Variants in SEMA5A observed in about 807,000 individuals in gnomAD.
SEMA5A encodes semaphorin-5A.
SEMA5A carries 55 observed loss-of-function variants against 135.5 expected under a neutral mutation model. That is an observed-to-expected ratio of 0.41 (90% CI 0.33 to 0.51). The LOEUF (loss-of-function observed/expected upper bound fraction) is 0.51, where lower values mean the gene tolerates loss of function less well. Among genes scored for constraint, SEMA5A ranks in the 20% least tolerant of loss-of-function variants. SEMA5A has a pLI of 0.37. For missense variants in SEMA5A, 1,290 were observed against 1,419.9 expected, an observed-to-expected ratio of 0.91 and a Z score of 1.47; for synonymous variants, 580 against 546.5, an observed-to-expected ratio of 1.06 and a Z score of -0.85.
chr5:9,428,108 A>G (rs1757726902), intron 2 of SEMA5A, among the ~76,000 whole-genome samples: 1 of 125,304 alleles, frequency 8.0e-6, no homozygotes, highest in Admixed American at 7.7e-5. Flanking sequence ...ATATATATAT[A>G]TATATATATT....
intron 3 of SEMA5A, among the ~76,000 whole-genome samples, chr5:9,347,658 C>T (rs2150742794): frequency 6.6e-6 from 1 of 152,126 alleles, no homozygotes; most frequent in Admixed American, 6.5e-5. Context: ...AAAATGCGTG[C>T]ACTGTTTCAG....
intron 2 of SEMA5A, among the ~76,000 whole-genome samples, chr5:9,389,985 G>A (rs1288945228): frequency 1.3e-5 from 2 of 152,096 alleles, no homozygotes; most frequent in East Asian, 3.9e-4. Flanking sequence ...GTGGATTGAT[G>A]GAGAAAAAGA....
At chr5:9,069,399 T>G (rs1409979558) in intron 16 of SEMA5A, among the ~76,000 whole-genome samples, 4 of 152,180 alleles carry the variant, frequency 2.6e-5, no homozygotes, top group African/African-American at 9.7e-5. Flanking sequence ...GTTCTTTCTC[T>G]TTTTTTCTGA....
intron 5 of SEMA5A, among the ~76,000 whole-genome samples, chr5:9,248,519 T>C (rs1014528569): frequency 6.8e-6 from 1 of 146,640 alleles, no homozygotes. Context: ...AAGATATCCA[T>C]CATCATCTCT....
chr5:9,431,582 G>A (rs1757858171), intron 2 of SEMA5A, among the ~76,000 whole-genome samples: 1 of 151,826 alleles, frequency 6.6e-6, no homozygotes, highest in African/African-American at 2.4e-5. Flanking sequence ...TAGGTTTGCA[G>A]CCCTGCAGCT....
intron 3 of SEMA5A, among the ~76,000 whole-genome samples, chr5:9,359,965 T>C (rs1419847476): frequency 6.6e-6 from 1 of 152,194 alleles, no homozygotes; most frequent in Non-Finnish European, 1.5e-5. Context: ...GATTTAAAAA[T>C]TTTTGCTATC....
At chr5:9,202,377 C>CT in intron 8 of SEMA5A, 137 bp from the exon 9 acceptor site, 19 of 654,732 alleles carry the variant, frequency 2.9e-5, no homozygotes, top group South Asian at 1.8e-4. Flanking sequence ...ATTGGGAGGC[C>CT]CCGTGAGCAG....
At chr5:9,091,311 T>C (rs1379609883) in intron 16 of SEMA5A, among the ~76,000 whole-genome samples, 2 of 152,206 alleles carry the variant, frequency 1.3e-5, no homozygotes, top group Admixed American at 6.5e-5. Flanking sequence ...TGTATCAGAA[T>C]GAAATGGTGT....
intron 5 of SEMA5A, among the ~76,000 whole-genome samples, chr5:9,274,317 G>A (rs1750142534): frequency 6.6e-6 from 1 of 152,122 alleles, no homozygotes; most frequent in African/African-American, 2.4e-5. Flanking sequence ...ATGCAATACA[G>A]GAGCACCCAG....
At chr5:9,251,535 TTGACTA>T (rs1336369959) in intron 5 of SEMA5A, among the ~76,000 whole-genome samples, 2 of 152,198 alleles carry the variant, frequency 1.3e-5, no homozygotes, top group Non-Finnish European at 2.9e-5. Flanking sequence ...TTCTCAAGTT[TTGACTA>T]TGACTATGAG....
At chr5:9,407,819 G>T (rs527297161) in intron 2 of SEMA5A, among the ~76,000 whole-genome samples, 1 of 152,062 alleles carries the variant, frequency 6.6e-6, no homozygotes, top group African/African-American at 2.4e-5. Context: ...AGTACCTAGC[G>T]CAAAAGTCAC....
intron 13 of SEMA5A, among the ~76,000 whole-genome samples, chr5:9,131,745 T>A (rs968493236): frequency 1.4e-5 from 2 of 143,540 alleles, no homozygotes; most frequent in African/African-American, 5.3e-5. Context: ...CCCCATGACC[T>A]AAACACCTCC....
In SEMA5A at chr5:9,190,459, C is replaced by T. The variant is rs1745043949; in HGVS notation, c.1081G>A (p.Asp361Asn). The change falls in exon 11 of 23, where the codon GAC becomes AAC. Residue 361 changes from aspartate (D) to asparagine (N), a missense_variant. Physicochemically the swap from Asp to Asn is conservative, Grantham distance 23. Transcript: ENST00000382496. Reference protein sequence around the residue: ...PNPHFQCGTVDQGLYVNLTER... With the variant: ...PNPHFQCGTVNQGLYVNLTER... Reference sequence around the variant, plus strand: ...GTCAGGTTCACGTACAGGCCCTGGTCCACGGTGCCACACTGAAAGGGAAGA... The same window carrying T: ...GTCAGGTTCACGTACAGGCCCTGGTTCACGGTGCCACACTGAAAGGGAAGA... The T allele has an allele frequency of 3.7e-6, 6 of 1,613,394 alleles. No individual in the cohort carries two copies. The highest frequency in any genetic ancestry group is 5.1e-6 in the Non-Finnish European group (6 of 1,180,022).
At chr5:9,435,197 T>C (rs1757988009) in intron 2 of SEMA5A, among the ~76,000 whole-genome samples, 1 of 152,118 alleles carries the variant, frequency 6.6e-6, no homozygotes, top group African/African-American at 2.4e-5. Context: ...TCAACAAAAT[T>C]ATCAGAAGGC....
intron 9 of SEMA5A, among the ~76,000 whole-genome samples, chr5:9,201,238 T>C (rs1219869473): frequency 6.6e-6 from 1 of 152,096 alleles, no homozygotes; most frequent in Admixed American, 6.5e-5. Flanking sequence ...TTACACAGCA[T>C]ACCAGCTAAG....
At chr5:9,072,699 A>C (rs111609982) in intron 16 of SEMA5A, among the ~76,000 whole-genome samples, 3 of 152,346 alleles carry the variant, frequency 2.0e-5, no homozygotes, top group African/African-American at 2.4e-5. Context: ...CAAGTAACTA[A>C]GACTAAAAGC....
chr5:9,314,387 A>AG (rs1752300961), intron 5 of SEMA5A, among the ~76,000 whole-genome samples: 1 of 151,960 alleles, frequency 6.6e-6, no homozygotes, highest in African/African-American at 2.4e-5. Flanking sequence ...AAAAAAAAAA[A>AG]AGTGCAACAG....
intron 11 of SEMA5A, among the ~76,000 whole-genome samples, chr5:9,157,810 A>C (rs976356783): frequency 3.9e-5 from 6 of 152,246 alleles, no homozygotes; most frequent in African/African-American, 1.4e-4. Context: ...TGGCAGAAAG[A>C]CAGAGATGGC....
intron 1 of SEMA5A, among the ~76,000 whole-genome samples, chr5:9,464,483 T>G (rs1294439346): frequency 6.6e-6 from 1 of 152,252 alleles, no homozygotes; most frequent in Non-Finnish European, 1.5e-5. Context: ...AACAGTTTAC[T>G]CACGTACCCC....
Sources: gnomAD v4.1 joint callset for allele counts (sites outside exome capture counted in the v4.1 genomes callset) on GRCh38, gnomAD v4.1.1 for gene constraint, MANE v1.5 for transcripts, NCBI Gene and HGNC (gene_info 2026-07-23, HGNC 2026-07-21) for gene names.